Variants in COMMD1 observed in about 807,000 individuals in gnomAD.
COMMD1 encodes COMM domain-containing protein 1.
In COMMD1, 10 loss-of-function variants were observed where a neutral mutation model predicts 17.2. The observed-to-expected ratio is 0.58, with a 90% CI of 0.36 to 0.99. The LOEUF is 0.99. Among genes scored for constraint, COMMD1 ranks in the 50% least tolerant of loss-of-function variants. COMMD1 has a pLI of 0.01. For missense variants in COMMD1, 270 were observed against 231.8 expected (o/e 1.17, Z -1.07); for synonymous variants, 97 against 91.6 (o/e 1.06, Z -0.34).
chr2:61,921,701 C>T (rs559534001), intron 1 of COMMD1, among the ~76,000 whole-genome samples: 7 of 152,162 alleles, frequency 4.6e-5, no homozygotes, highest in Middle Eastern at 3.2e-3. Context: ...CCTTGGCCTC[C>T]CAAAGTGCTG....
At chr2:62,034,106 A>G (rs892161747) in intron 2 of COMMD1, among the ~76,000 whole-genome samples, 9 of 151,816 alleles carry the variant, frequency 5.9e-5, no homozygotes, top group Middle Eastern at 3.4e-3. Flanking sequence ...AAAAAAAAAA[A>G]AAAAAGAAAT....
At chr2:61,911,650 A>G (rs1669911352) in intron 1 of COMMD1, among the ~76,000 whole-genome samples, 1 of 152,184 alleles carries the variant, frequency 6.6e-6, no homozygotes. Context: ...TTAGAAGTCT[A>G]GAAATACTTG....
At chr2:61,908,757 C>T (rs530992535) in intron 1 of COMMD1, among the ~76,000 whole-genome samples, 3 of 149,796 alleles carry the variant, frequency 2.0e-5, no homozygotes, top group South Asian at 2.1e-4. Flanking sequence ...TCAGTAGAGA[C>T]GGGGTTTCAC....
chr2:62,081,720 C>T (rs1328181803), intron 2 of COMMD1, among the ~76,000 whole-genome samples: 1 of 152,030 alleles, frequency 6.6e-6, no homozygotes, highest in Non-Finnish European at 1.5e-5. Flanking sequence ...TTATGATTTC[C>T]TTATCGATTT....
chr2:62,041,662 T>C (rs1670204499), intron 2 of COMMD1, among the ~76,000 whole-genome samples: 1 of 152,204 alleles, frequency 6.6e-6, no homozygotes, highest in African/African-American at 2.4e-5. Context: ...AGTGCTAGTG[T>C]GTCCGGAATT....
intron 1 of COMMD1, chr2:61,928,511 A>G (rs540602525): frequency 2.6e-5 from 4 of 152,104 alleles, no homozygotes; most frequent in South Asian, 4.1e-4. Flanking sequence ...CTAAGCGTAC[A>G]TTTTTCAGTT....
chr2:61,958,325 G>A (rs1201876817), intron 1 of COMMD1, among the ~76,000 whole-genome samples: 2 of 151,468 alleles, frequency 1.3e-5, no homozygotes, highest in African/African-American at 4.9e-5. Flanking sequence ...GGAGTGCAGG[G>A]GCGCGATCTC....
At chr2:62,027,506 T>C (rs1669791055) in intron 2 of COMMD1, among the ~76,000 whole-genome samples, 1 of 152,220 alleles carries the variant, frequency 6.6e-6, no homozygotes, top group Non-Finnish European at 1.5e-5. Flanking sequence ...GGAACACCTC[T>C]TTTAGAACTG....
chr2:62,112,799 T>C (rs1186337257), intron 2 of COMMD1, among the ~76,000 whole-genome samples: 1 of 152,228 alleles, frequency 6.6e-6, no homozygotes, highest in South Asian at 2.1e-4. Flanking sequence ...CTTAAATCAA[T>C]GATTTTTTCT....
chr2:62,054,515 A>G (rs1670633820), intron 2 of COMMD1, among the ~76,000 whole-genome samples: 1 of 152,224 alleles, frequency 6.6e-6, no homozygotes, highest in African/African-American at 2.4e-5. Context: ...TATTTAAGCC[A>G]GAAAGAAGAA....
intron 2 of COMMD1, among the ~76,000 whole-genome samples, chr2:62,065,823 T>G (rs1671023138): frequency 6.6e-6 from 1 of 152,200 alleles, no homozygotes; most frequent in Admixed American, 6.5e-5. Flanking sequence ...TCTGTGTAAT[T>G]TAGGAGGAAC....
intron 2 of COMMD1, among the ~76,000 whole-genome samples, chr2:62,047,595 C>T (rs553610581): frequency 1.3e-5 from 2 of 152,032 alleles, no homozygotes; most frequent in South Asian, 2.1e-4. Context: ...GCTGGGACTA[C>T]AGCTGTGTGC....
intron 1 of COMMD1, among the ~76,000 whole-genome samples, chr2:61,906,945 G>A (rs1285109266): frequency 1.3e-5 from 2 of 152,042 alleles, no homozygotes; most frequent in Non-Finnish European, 2.9e-5. Flanking sequence ...TTTGCCTACA[G>A]GATTTGAATC....
upstream of COMMD1, among the ~76,000 whole-genome samples, chr2:61,902,088 C>T (rs575473725): frequency 1.3e-5 from 2 of 151,942 alleles, no homozygotes; most frequent in Non-Finnish European, 2.9e-5. Flanking sequence ...ACCTTGGCCT[C>T]CCAAAGTTCT....
chr2:61,944,645 A>G (rs750152501), intron 1 of COMMD1, among the ~76,000 whole-genome samples: 11 of 152,128 alleles, frequency 7.2e-5, no homozygotes, highest in Non-Finnish European at 1.5e-4. Context: ...CTCATGGTAC[A>G]AGGTAATTTC....
intron 1 of COMMD1, among the ~76,000 whole-genome samples, chr2:61,914,594 T>C (rs1016534664): frequency 6.6e-6 from 1 of 151,978 alleles, no homozygotes; most frequent in African/African-American, 2.4e-5. Context: ...AGTAATAAGA[T>C]GTTAAGAATG....
intron 2 of COMMD1, among the ~76,000 whole-genome samples, chr2:62,111,489 C>G (rs1346889954): frequency 6.6e-6 from 1 of 152,120 alleles, no homozygotes; most frequent in African/African-American, 2.4e-5. Context: ...CCTTTCGGTT[C>G]AGATTCTTAT....
chr2:61,910,537 G>GC (rs1450155099), intron 1 of COMMD1, among the ~76,000 whole-genome samples: 2 of 152,180 alleles, frequency 1.3e-5, no homozygotes, highest in Admixed American at 6.6e-5. Flanking sequence ...GTGAGCCACT[G>GC]CGTCCGGCCC....
intron 2 of COMMD1, among the ~76,000 whole-genome samples, chr2:62,104,891 C>T (rs1672285698): frequency 6.6e-6 from 1 of 151,468 alleles, no homozygotes; most frequent in South Asian, 2.1e-4. Flanking sequence ...TTTGGGAGGC[C>T]GAGGTGGGTG....
Sources: allele counts gnomAD v4.1 joint callset (sites outside exome capture counted in the v4.1 genomes callset), GRCh38; gene constraint gnomAD v4.1.1; transcripts MANE v1.5; gene names NCBI Gene and HGNC (gene_info 2026-07-23, HGNC 2026-07-21).